ATF2: variants seen among roughly 807,000 people sequenced by gnomAD.
ATF2 encodes activating transcription factor 2.
In ATF2, 24 loss-of-function variants were observed where a neutral mutation model predicts 60.6. That is an observed-to-expected ratio of 0.40 (90% CI 0.29 to 0.56). The LOEUF (loss-of-function observed/expected upper bound fraction) is 0.56, where lower values mean the gene tolerates loss of function less well. ATF2 is among the 20% of genes least tolerant of loss of function. The pLI, the probability that ATF2 is intolerant of heterozygous loss-of-function variation, is 0.54. For synonymous variants in ATF2, 206 were observed against 215.4 expected, an observed-to-expected ratio of 0.96 and a Z score of 0.38; for missense variants, 433 against 607.7, an observed-to-expected ratio of 0.71 and a Z score of 3.02.
chr2:175,074,760 G>T lies in ATF2; in HGVS notation c.1367C>A (p.Ser456Ter). Residue 456 changes from serine to a stop codon, truncating the protein, a stop_gained, in exon 14 of 14, where the codon TCG becomes TAG. Coordinates refer to ENST00000264110, the MANE Select transcript of ATF2 (RefSeq NM_001880.4). LOFTEE classifies it high-confidence loss of function. Reference protein sequence around the residue: ...SPHTEAIQHSSVSTSNGVSST... With the variant: ...SPHTEAIQHS ...ACTGACTCCATTGGATGTGCTGACC[G>T]AACTATGCTGTATAGCTTCTGTATG... 6.2e-7 allele frequency: 1 copy of T among 1,613,532 alleles called. No individual in the cohort carries two copies. Among genetic ancestry groups the T allele is most frequent in the Non-Finnish European group, 8.5e-7 (1 of 1,179,712 alleles).
chr2:175,108,910 C>T (rs1183145095), intron 10 of ATF2, among the ~76,000 whole-genome samples: 1 of 152,130 alleles, frequency 6.6e-6, no homozygotes, highest in Admixed American at 6.5e-5. Context: ...GCTGTGTCCA[C>T]TCAGGGTTAA....
At chr2:175,118,218 G>A (rs753300490) in intron 6 of ATF2, 33 bp downstream of exon 6, 1 of 1,591,178 alleles carries the variant, frequency 6.3e-7, no homozygotes, top group Non-Finnish European at 8.6e-7. Context: ...TCTGTCAGAA[G>A]TACTCTTTTT....
At chr2:175,143,912 G>C (rs1253402792) in intron 2 of ATF2, among the ~76,000 whole-genome samples, 2 of 151,894 alleles carry the variant, frequency 1.3e-5, no homozygotes, top group Non-Finnish European at 2.9e-5. Context: ...TCCCACTTCA[G>C]CCTCGCAAAT....
intron 1 of ATF2, among the ~76,000 whole-genome samples, chr2:175,165,072 C>T (rs1213116862): frequency 6.6e-6 from 1 of 152,184 alleles, no homozygotes; most frequent in East Asian, 1.9e-4. Flanking sequence ...ATCCGCCTGC[C>T]TCAGCCTCCC....
intron 12 of ATF2, among the ~76,000 whole-genome samples, chr2:175,083,480 T>C (rs1293638875): frequency 1.3e-5 from 2 of 152,174 alleles, no homozygotes; most frequent in African/African-American, 4.8e-5. Flanking sequence ...TCCTTACTTA[T>C]ACAAAAATTA....
chr2:175,097,629 T>A (rs1559062939), intron 10 of ATF2, 36 bp from the exon 11 acceptor site: 1 of 1,606,504 alleles, frequency 6.2e-7, no homozygotes, highest in Non-Finnish European at 8.5e-7. Flanking sequence ...TTTTTTTAAG[T>A]CCTTAAAGAT....
chr2:175,083,747 T>C (rs1007580593), intron 12 of ATF2, among the ~76,000 whole-genome samples: 2 of 152,116 alleles, frequency 1.3e-5, no homozygotes, highest in African/African-American at 4.8e-5. Context: ...CCTACTTATC[T>C]GACAAAGGGC....
intron 4 of ATF2, 80 bp from the exon 5 acceptor site, chr2:175,121,620 C>T: frequency 8.9e-7 from 1 of 1,121,862 alleles, no homozygotes; most frequent in South Asian, 1.5e-5. Flanking sequence ...TTAATTTCCA[C>T]AACATGTAAA....
intron 1 of ATF2, among the ~76,000 whole-genome samples, chr2:175,167,233 C>T (rs1700414510): frequency 6.6e-6 from 1 of 152,032 alleles, no homozygotes; most frequent in Non-Finnish European, 1.5e-5. Context: ...AAAACACGTA[C>T]ACACACTCCC....
chr2:175,109,212 T>C (rs1419945866), intron 10 of ATF2, among the ~76,000 whole-genome samples: 1 of 150,842 alleles, frequency 6.6e-6, no homozygotes, highest in Admixed American at 6.6e-5. Context: ...ATGGTAGCTT[T>C]ATTCACAATA....
At chr2:175,076,281 A>G (rs1693285185) in intron 13 of ATF2, among the ~76,000 whole-genome samples, 2 of 152,162 alleles carry the variant, frequency 1.3e-5, no homozygotes, top group South Asian at 2.1e-4. Flanking sequence ...CATCTTCTCT[A>G]TAACATGCTA....
chr2:175,147,063 T>A (rs1392298427), intron 2 of ATF2, among the ~76,000 whole-genome samples: 2 of 152,200 alleles, frequency 1.3e-5, no homozygotes, highest in Non-Finnish European at 1.5e-5. Flanking sequence ...ACTGCAAGGT[T>A]AAGAGCAAAT....
At chr2:175,141,797 T>A (rs750197422) in intron 2 of ATF2, among the ~76,000 whole-genome samples, 1 of 142,202 alleles carries the variant, frequency 7.0e-6, no homozygotes, top group Non-Finnish European at 1.5e-5. Context: ...CTGGTCCCTA[T>A]AAATATATTT....
chr2:175,093,217 C>A lies in ATF2; in HGVS notation c.1029G>T (p.Arg343=). ...TPQTQSTSGR[R]RRAANEDPDE... Reference sequence around the variant, plus strand: ...CAGGATCTTCGTTAGCTGCTCTTCTCCGACGACCACTTGTACTTTGGGTCT... The same window carrying A: ...CAGGATCTTCGTTAGCTGCTCTTCTACGACGACCACTTGTACTTTGGGTCT... The change falls in exon 12 of 14, where the codon CGG becomes CGT. Residue 343 remains arginine, a synonymous_variant. Coordinates refer to ENST00000264110, the MANE Select transcript of ATF2 (RefSeq NM_001880.4). 6.2e-7 allele frequency: 1 copy of A among 1,614,076 alleles called. No homozygotes were observed. The highest frequency in any genetic ancestry group is 8.5e-7 in the Non-Finnish European group (1 of 1,180,014).
chr2:175,147,355 A>G (rs1699027443), intron 2 of ATF2, among the ~76,000 whole-genome samples: 1 of 152,232 alleles, frequency 6.6e-6, no homozygotes. Flanking sequence ...AGTGCTGTTA[A>G]ATCAGTCTAC....
chr2:175,146,351 GAAC>G (rs1698947467), intron 2 of ATF2, among the ~76,000 whole-genome samples: 1 of 152,114 alleles, frequency 6.6e-6, no homozygotes, highest in Non-Finnish European at 1.5e-5. Context: ...TACATTATCA[GAAC>G]AACTGGAAAA....
At chr2:175,153,686 C>A (rs188492975) in intron 1 of ATF2, among the ~76,000 whole-genome samples, 12 of 151,726 alleles carry the variant, frequency 7.9e-5, no homozygotes, top group African/African-American at 2.7e-4. Context: ...AAAAATTAGC[C>A]GGGCATGGTG....
At chr2:175,111,481 A>G (rs990672392) in intron 10 of ATF2, 87 bp downstream of exon 10, 11 of 1,211,042 alleles carry the variant, frequency 9.1e-6, no homozygotes, top group Non-Finnish European at 1.3e-5. Flanking sequence ...AATGTGATCT[A>G]AATTGTGCAT....
chr2:175,111,437 A>G (rs1200810697), intron 10 of ATF2, 131 bp downstream of exon 10: 6 of 669,980 alleles, frequency 9.0e-6, no homozygotes, highest in Non-Finnish European at 1.4e-5. Flanking sequence ...TTTGTGGTTT[A>G]TCTATAGTAT....
Sources: allele counts gnomAD v4.1 joint callset (sites outside exome capture counted in the v4.1 genomes callset), GRCh38; gene constraint gnomAD v4.1.1; transcripts MANE v1.5; gene names NCBI Gene and HGNC (gene_info 2026-07-23, HGNC 2026-07-21).